Variants in VMA21 observed in about 807,000 individuals in gnomAD.
The protein encoded by VMA21 is vacuolar ATPase assembly integral membrane protein VMA21.
For missense variants in VMA21, 61 were observed against 80.6 expected (o/e 0.76, Z 0.93); for synonymous variants, 47 against 34.1 (o/e 1.38, Z -1.32).
chrX:151,400,995 A>G (rs147572113), intron 1 of VMA21, among the ~76,000 whole-genome samples: 7,044 of 111,374 alleles, frequency 0.063, 512 homozygotes, highest in African/African-American at 0.22. Flanking sequence ...CTGCCTTTTC[A>G]TTTTGTTGAT....
In VMA21 at chrX:151,405,841, A is replaced by G. The variant is rs1041474909; in HGVS notation, c.*783A>G. The G allele has an allele frequency of 8.9e-6, 1 of 112,002 alleles. No individual in the cohort carries two copies. The highest frequency in any genetic ancestry group is 3.2e-5 in the African/African-American group (1 of 30,810). The allele number at this position is 112,002 out of a possible 1,213,427, so 9.2% of individuals were successfully genotyped here. On this transcript the variant is annotated 3_prime_UTR_variant, in exon 3 of 3. Transcript: ENST00000330374. ...AAAGGTTCGAGGAAGCTCCATTTAA[A>G]ATTGTTTTTTTTACTATTTTTTAAA...
At chrX:151,402,782 A>G (rs1437173153) in intron 1 of VMA21, among the ~76,000 whole-genome samples, 2 of 111,850 alleles carry the variant, frequency 1.8e-5, no homozygotes, top group African/African-American at 6.5e-5. Flanking sequence ...CTGGTGTGGC[A>G]GTGGCTTCCC....
intron 1 of VMA21, 98 bp from the exon 2 acceptor site, chrX:151,403,533 T>C: frequency 1.6e-6 from 1 of 640,002 alleles, no homozygotes. Context: ...TCCTCCTGCA[T>C]AGCATCTCAT....
chrX:151,400,698 CA>C (rs1170089721), intron 1 of VMA21, among the ~76,000 whole-genome samples: 1 of 112,442 alleles, frequency 8.9e-6, no homozygotes, highest in Non-Finnish European at 1.9e-5. Context: ...CACACTTTTA[CA>C]AACATTTGTT....
chrX:151,396,925 G>A (rs1209382840), upstream of VMA21: 2 of 521,993 alleles, frequency 3.8e-6, no homozygotes, highest in Admixed American at 5.3e-5. Flanking sequence ...GGGCGGCGTA[G>A]CCGCCGCCCG....
At position 151,405,781 on chromosome X, in the gene VMA21, C is replaced by G. The variant is rs1182571709; in HGVS notation, c.*723C>G. 1 of 112,041 alleles carries G rather than the reference C, an allele frequency of 8.9e-6. No individual in the cohort carries two copies. Among genetic ancestry groups the G allele is most frequent in the Non-Finnish European group, 1.9e-5 (1 of 53,277 alleles). The allele number at this position is 112,041 out of a possible 1,213,427, so 9.2% of individuals were successfully genotyped here. On this transcript the variant is annotated 3_prime_UTR_variant, in exon 3 of 3. Coordinates refer to ENST00000330374, the MANE Select transcript of VMA21 (RefSeq NM_001017980.4). ...ACCAACTTTTTAATGAGATACTTTGCTTCCTCATTCAACATTGAAGCTAGG... is the reference window on the plus strand; with the variant it reads ...ACCAACTTTTTAATGAGATACTTTGGTTCCTCATTCAACATTGAAGCTAGG...
At chrX:151,397,967 T>A (rs2011207111) in intron 1 of VMA21, among the ~76,000 whole-genome samples, 1 of 111,240 alleles carries the variant, frequency 9.0e-6, no homozygotes, top group Non-Finnish European at 1.9e-5. Flanking sequence ...ACATACATTG[T>A]CAGAATTCTT....
intron 1 of VMA21, among the ~76,000 whole-genome samples, chrX:151,403,256 G>C (rs762989701): frequency 8.9e-6 from 1 of 112,778 alleles, no homozygotes; most frequent in East Asian, 2.8e-4. Flanking sequence ...GTTGCCGCAT[G>C]GGTTGGGCAC....
chrX:151,404,567 TG>T (rs2011268046), intron 2 of VMA21, among the ~76,000 whole-genome samples: 34 of 110,343 alleles, frequency 3.1e-4, no homozygotes, highest in Admixed American at 3.0e-3. Context: ...TACAGGCGCC[TG>T]CCACTACGCC....
At chrX:151,400,532 T>C (rs1312771117) in intron 1 of VMA21, among the ~76,000 whole-genome samples, 4 of 112,219 alleles carry the variant, frequency 3.6e-5, no homozygotes, top group African/African-American at 6.5e-5. Context: ...CAGATATTTT[T>C]ACGAGGTAGT....
In VMA21 at chrX:151,397,251, G is replaced by C; in HGVS notation, c.-58G>C. 1 of 1,134,273 alleles carries C rather than the reference G, an allele frequency of 8.8e-7. No individual in the cohort carries two copies. Among genetic ancestry groups the C allele is most frequent in the Non-Finnish European group, 1.2e-6 (1 of 855,867 alleles). The allele number at this position is 1,134,273 out of a possible 1,213,427, so 93.5% of individuals were successfully genotyped here. A position where few individuals can be genotyped will look rare whatever the true frequency, so the allele number is the denominator to read the frequency against. ...CGGCCGTTCCCTCGCGGAGCTTACT[G>C]AGCGCGGCCGCCGAGCCCAGCTCCG... On this transcript the variant is annotated 5_prime_UTR_variant, in exon 1 of 3. Transcript: ENST00000330374.
chrX:151,396,917 G>C, upstream of VMA21: 1 of 524,619 alleles, frequency 1.9e-6, no homozygotes, highest in South Asian at 2.5e-5. Flanking sequence ...AGTTCAGGGG[G>C]CGGCGTAGCC....
rs2011299478 is a variant in VMA21, at chrX:151,406,955, C to G, written c.*1897C>G. 1 of 112,390 alleles carries G rather than the reference C, an allele frequency of 8.9e-6. No individual in the cohort carries two copies. The highest frequency in any genetic ancestry group is 3.2e-5 in the African/African-American group (1 of 30,933). The allele number at this position is 112,390 out of a possible 1,213,427, so 9.3% of individuals were successfully genotyped here. A position where few individuals can be genotyped will look rare whatever the true frequency, so the allele number is the denominator to read the frequency against. On this transcript the variant is annotated 3_prime_UTR_variant, in exon 3 of 3. Transcript: ENST00000330374. ...ACTGTTTTTAATTCTTGCTTAAAGA[C>G]TACAATTTTAGTATAATGACATTTG... is the stretch of plus-strand genomic sequence containing the variant.
Position 151,403,647 on chromosome X carries a change from G to C in VMA21, c.70G>C (p.Ala24Pro). Residue 24 changes from alanine to proline, a missense_variant, in exon 2 of 3, where the codon GCA becomes CCA. Transcript: ENST00000330374. ...TTATTCCAGAAATGAAAGCTCATTA[G>C]CATCTACACTGAAGACGCTCCTGTT... The part of the protein sequence containing the change: ...PPEFRNESSL[A>P]STLKTLLFFT... The C allele has an allele frequency of 8.3e-7, 1 of 1,206,319 alleles. No individual in the cohort carries two copies. Among genetic ancestry groups the C allele is most frequent in the South Asian group, 1.8e-5 (1 of 56,805 alleles).
chrX:151,399,714 A>G (rs2124121724), intron 1 of VMA21, among the ~76,000 whole-genome samples: 1 of 112,027 alleles, frequency 8.9e-6, no homozygotes, highest in African/African-American at 3.2e-5. Context: ...TGTATAGCTC[A>G]GTAATAACCA....
intron 1 of VMA21, among the ~76,000 whole-genome samples, chrX:151,402,421 A>T (rs1273490528): frequency 9.0e-6 from 1 of 110,636 alleles, no homozygotes; most frequent in East Asian, 2.9e-4. Context: ...GCCTCAAGTG[A>T]TCCGCCTGCC....
At chrX:151,399,987 C>T (rs963217557) in intron 1 of VMA21, among the ~76,000 whole-genome samples, 2 of 111,129 alleles carry the variant, frequency 1.8e-5, no homozygotes, top group African/African-American at 6.6e-5. Context: ...AAAATGATTA[C>T]TATGGTGAAG....
intron 1 of VMA21, among the ~76,000 whole-genome samples, chrX:151,403,142 C>G (rs5924933): frequency 0.37 from 41,000 of 110,898 alleles, 6,755 homozygotes; most frequent in Non-Finnish European, 0.53. Context: ...GCAAGCTGGT[C>G]GCTTCCCGTG....
chrX:151,408,398 C>T lies in VMA21; in HGVS notation c.*3340C>T, dbSNP rs985236210. 1 of 111,806 alleles carries T rather than the reference C, an allele frequency of 8.9e-6. No homozygotes were observed. The highest frequency in any genetic ancestry group is 1.9e-5 in the Non-Finnish European group (1 of 53,144). 9.2% of individuals were successfully genotyped at this position (111,806 alleles called of 1,213,427 possible). On this transcript the variant is annotated 3_prime_UTR_variant, in exon 3 of 3. Coordinates refer to ENST00000330374, the MANE Select transcript of VMA21 (RefSeq NM_001017980.4). ...GAAAGTACATAAAAAGGATTTAAAT[C>T]CGATTTTAGATGTACCTAGTGTGTA...
Sources: gnomAD v4.1 joint callset for allele counts (sites outside exome capture counted in the v4.1 genomes callset) on GRCh38, gnomAD v4.1.1 for gene constraint, MANE v1.5 for transcripts, NCBI Gene and HGNC (gene_info 2026-07-23, HGNC 2026-07-21) for gene names.